PHEX: variants seen among roughly 807,000 people sequenced by gnomAD.
PHEX encodes the protein phosphate-regulating neutral endopeptidase PHEX.
PHEX carries 16 observed loss-of-function variants against 68.0 expected under a neutral mutation model. The ratio of observed to expected loss-of-function variants is 0.24; its 90% CI spans 0.16 to 0.36. The LOEUF is 0.36. PHEX is among the 10% of genes least tolerant of loss of function. PHEX has a pLI of 1.00. For synonymous variants in PHEX, 208 were observed against 205.1 expected, an observed-to-expected ratio of 1.01 and a Z score of -0.12; for missense variants, 480 against 575.5, an observed-to-expected ratio of 0.83 and a Z score of 1.70.
rs759695883 is a variant in PHEX, at chrX:22,038,548, G to T, written c.187+11G>T. The T allele has an allele frequency of 9.0e-7, 1 of 1,109,808 alleles. No individual in the cohort carries two copies. The highest frequency in any genetic ancestry group is 1.8e-5 in the South Asian group (1 of 54,711). The allele number at this position is 1,109,808 out of a possible 1,213,427, so 91.5% of individuals were successfully genotyped here. A position where few individuals can be genotyped will look rare whatever the true frequency, so the allele number is the denominator to read the frequency against. On this transcript the variant is annotated intron_variant, in intron 2 of 21. Transcript: ENST00000379374. Reference sequence around the variant, plus strand: ...AATGCATCGAAGCGGGTAAGTCACAGTTTTCCATCCTGTGTCAAGTTATAA... The same window carrying T: ...AATGCATCGAAGCGGGTAAGTCACATTTTTCCATCCTGTGTCAAGTTATAA...
intron 11 of PHEX, among the ~76,000 whole-genome samples, chrX:22,119,734 A>G (rs1602311782): frequency 9.2e-6 from 1 of 108,816 alleles, no homozygotes; most frequent in East Asian, 2.9e-4. Flanking sequence ...CTGGGATTAC[A>G]GGTGTGCACC....
chrX:22,221,855 T>A, intron 18 of PHEX, 112 bp downstream of exon 18: 1 of 701,061 alleles, frequency 1.4e-6, no homozygotes. Flanking sequence ...ATCAACAGCA[T>A]CTGTCTTCCT....
At chrX:22,110,303 A>G (rs887457493) in intron 9 of PHEX, among the ~76,000 whole-genome samples, 5 of 112,488 alleles carry the variant, frequency 4.4e-5, no homozygotes, top group African/African-American at 1.6e-4. Context: ...TTCTAAATAA[A>G]GACCAAAACA....
At chrX:22,111,308 T>C (rs935501531) in intron 9 of PHEX, among the ~76,000 whole-genome samples, 159 bp from the exon 10 acceptor site, 4 of 112,341 alleles carry the variant, frequency 3.6e-5, no homozygotes, top group African/African-American at 1.3e-4. Flanking sequence ...TTATTGACAT[T>C]GTATCATCTT....
At chrX:22,158,680 G>A (rs1050395333) in intron 12 of PHEX, among the ~76,000 whole-genome samples, 3 of 111,751 alleles carry the variant, frequency 2.7e-5, no homozygotes, top group African/African-American at 9.8e-5. Flanking sequence ...AGTCAACCTA[G>A]CCAATCTTTA....
chrX:22,245,036 G>C (rs779382542), intron 20 of PHEX, among the ~76,000 whole-genome samples: 2 of 111,915 alleles, frequency 1.8e-5, no homozygotes, highest in African/African-American at 6.5e-5. Context: ...TAAATTCATT[G>C]AATGAATACA....
chrX:22,161,927 G>A (rs1933144743), intron 12 of PHEX, among the ~76,000 whole-genome samples: 1 of 111,414 alleles, frequency 9.0e-6, no homozygotes, highest in South Asian at 3.8e-4. Flanking sequence ...AGATATCTTT[G>A]GAGCACAGAG....
intron 11 of PHEX, among the ~76,000 whole-genome samples, chrX:22,130,721 TG>T (rs1259011409): frequency 9.0e-6 from 1 of 110,749 alleles, no homozygotes; most frequent in Non-Finnish European, 1.9e-5. Flanking sequence ...TCTCTGATTT[TG>T]GGAGGGATCC....
Position 22,248,078 on chromosome X carries a change from G to A in PHEX, c.*125G>A, listed in dbSNP as rs1936445421. 3.7e-6 allele frequency: 2 copies of A among 533,823 alleles called. No individual in the cohort carries two copies. Among genetic ancestry groups the A allele is most frequent in the East Asian group, 3.6e-5 (1 of 28,107 alleles). 44.0% of individuals were successfully genotyped at this position (533,823 alleles called of 1,213,427 possible). Reference sequence around the variant, plus strand: ...TTTTTAGTGCATTTTCATTATTTGGGTAGGTGACCTGCTTGGATCTAGACA... The same window carrying A: ...TTTTTAGTGCATTTTCATTATTTGGATAGGTGACCTGCTTGGATCTAGACA... On this transcript the variant is annotated 3_prime_UTR_variant, in exon 22 of 22. Transcript: ENST00000379374.
intron 15 of PHEX, among the ~76,000 whole-genome samples, chrX:22,209,594 C>G (rs1934824162): frequency 9.1e-6 from 1 of 110,185 alleles, no homozygotes; most frequent in East Asian, 2.9e-4. Context: ...AACATGCTTC[C>G]TACACCTTGG....
chrX:22,152,699 G>A (rs754746368), intron 12 of PHEX, among the ~76,000 whole-genome samples: 1 of 112,010 alleles, frequency 8.9e-6, no homozygotes, highest in Non-Finnish European at 1.9e-5. Context: ...TGGAGACAGA[G>A]ATCAGGATAG....
At chrX:22,060,498 T>A (rs1928312878) in intron 3 of PHEX, among the ~76,000 whole-genome samples, 1 of 111,474 alleles carries the variant, frequency 9.0e-6, no homozygotes, top group Non-Finnish European at 1.9e-5. Flanking sequence ...TGAAATCCAT[T>A]GGTGAGATTT....
intron 15 of PHEX, among the ~76,000 whole-genome samples, chrX:22,203,178 T>C (rs373939676): frequency 9.0e-6 from 1 of 110,866 alleles, no homozygotes; most frequent in Non-Finnish European, 1.9e-5. Flanking sequence ...TAGACAGGGA[T>C]GGTTGGTCAC....
At chrX:22,227,735 C>A in intron 20 of PHEX, 124 bp downstream of exon 20, 2 of 515,364 alleles carry the variant, frequency 3.9e-6, no homozygotes, top group Non-Finnish European at 3.5e-6. Flanking sequence ...AAAATGTTAT[C>A]TTGATTATTT....
At chrX:22,106,989 T>G (rs1930728769) in intron 9 of PHEX, among the ~76,000 whole-genome samples, 1 of 110,945 alleles carries the variant, frequency 9.0e-6, no homozygotes, top group African/African-American at 3.3e-5. Context: ...GATTGTGACT[T>G]AATTGGCCTG....
chrX:22,240,705 G>C (rs1170202063), intron 20 of PHEX, among the ~76,000 whole-genome samples: 1 of 111,922 alleles, frequency 8.9e-6, no homozygotes, highest in East Asian at 2.8e-4. Flanking sequence ...AGCATGAAGA[G>C]CTAACTATCC....
At chrX:22,033,277 TAAAG>T (rs1278724852) in intron 1 of PHEX, among the ~76,000 whole-genome samples, 154 bp downstream of exon 1, 2 of 111,817 alleles carry the variant, frequency 1.8e-5, no homozygotes, top group Non-Finnish European at 3.8e-5. Context: ...ATGCAAATGA[TAAAG>T]AAGGCTTTTT....
At chrX:22,057,934 G>A (rs1256387124) in intron 3 of PHEX, among the ~76,000 whole-genome samples, 3 of 111,501 alleles carry the variant, frequency 2.7e-5, no homozygotes, top group East Asian at 2.9e-4. Context: ...TTTCTTCTCC[G>A]TTTCACTCCA....
Position 22,062,551 on chromosome X carries a change from C to G in PHEX, c.350-13837C>G, listed in dbSNP as rs755561991. Among the ~76,000 whole-genome samples, 181 of 111,352 alleles carry G rather than the reference C, an allele frequency of 1.6e-3. 1 individual carries two copies. The highest frequency in any genetic ancestry group is 5.7e-3 in the African/African-American group (176 of 30,645). Reference sequence around the variant, plus strand: ...AAATGTGGTGCATATCTTAAACTTGCAACCCTTCTCCATTTGGACCAGCCA... The same window carrying G: ...AAATGTGGTGCATATCTTAAACTTGGAACCCTTCTCCATTTGGACCAGCCA... On this transcript the variant is annotated intron_variant, in intron 3 of 21. Coordinates refer to ENST00000379374, the MANE Select transcript of PHEX (RefSeq NM_000444.6).
Sources: gnomAD v4.1 joint callset for allele counts (sites outside exome capture counted in the v4.1 genomes callset) on GRCh38, gnomAD v4.1.1 for gene constraint, MANE v1.5 for transcripts, NCBI Gene and HGNC (gene_info 2026-07-23, HGNC 2026-07-21) for gene names.